The following AP4S1 variants were observed in gnomAD, a reference collection of about 807,000 sequenced individuals.
AP4S1 encodes the protein adaptor related protein complex 4 subunit sigma 1, also known as AP-4 complex subunit sigma-1.
A neutral mutation model predicts 19.8 loss-of-function variants in AP4S1; 23 were observed. The ratio of observed to expected loss-of-function variants is 1.16; its 90% CI spans 0.84 to 1.65. The LOEUF (loss-of-function observed/expected upper bound fraction) is 1.65, where lower values mean the gene tolerates loss of function less well. Ranked by LOEUF, AP4S1 falls within the 40% of genes most tolerant of loss-of-function variation. The probability of loss-of-function intolerance (pLI) is 0.00; values close to 1 mark genes in which losing one functional copy is unlikely to be tolerated. For missense variants in AP4S1, 166 were observed against 172.8 expected, an observed-to-expected ratio of 0.96 and a Z score of 0.22; for synonymous variants, 46 against 54.1, an observed-to-expected ratio of 0.85 and a Z score of 0.66.
intron 3 of AP4S1, among the ~76,000 whole-genome samples, chr14:31,071,278 C>T (rs1886984434): frequency 6.6e-6 from 1 of 152,094 alleles, no homozygotes; most frequent in Non-Finnish European, 1.5e-5. Flanking sequence ...TTCCCATCTT[C>T]ACAGATAGAA....
intron 1 of AP4S1, among the ~76,000 whole-genome samples, chr14:31,061,717 A>G (rs1251539487): frequency 6.6e-6 from 1 of 151,430 alleles, no homozygotes; most frequent in East Asian, 1.9e-4. Context: ...ATGTCAGCTC[A>G]CTGCAATCTC....
chr14:31,069,324 A>G (rs1594685661), intron 2 of AP4S1, among the ~76,000 whole-genome samples: 1 of 152,334 alleles, frequency 6.6e-6, no homozygotes, highest in South Asian at 2.1e-4. Context: ...ATCTTTAAAT[A>G]ATTTATAAAA....
intron 1 of AP4S1, among the ~76,000 whole-genome samples, chr14:31,064,097 A>G (rs1181590260): frequency 1.3e-5 from 2 of 152,298 alleles, no homozygotes; most frequent in African/African-American, 2.4e-5. Context: ...AACAAATATG[A>G]GATTCAATAC....
upstream of AP4S1, chr14:31,025,561 A>G (rs1281369549): frequency 2.8e-6 from 1 of 356,298 alleles, no homozygotes; most frequent in East Asian, 7.1e-5. Flanking sequence ...GAGAGGCCCC[A>G]AACCGGACTC....
intron 1 of AP4S1, among the ~76,000 whole-genome samples, chr14:31,054,889 A>AAC (rs1886018113): frequency 6.7e-6 from 1 of 148,284 alleles, no homozygotes; most frequent in Non-Finnish European, 1.5e-5. Flanking sequence ...AAAAAAAAAA[A>AAC]AAAAAAACAG....
chr14:31,064,815 C>T (rs575641474), intron 1 of AP4S1, among the ~76,000 whole-genome samples: 19 of 152,168 alleles, frequency 1.2e-4, no homozygotes, highest in Non-Finnish European at 2.8e-4. Context: ...ATTAGCTGGA[C>T]GTGATGGTGC....
Position 31,025,686 on chromosome 14 carries a change from C to A in AP4S1, c.-173C>A, listed in dbSNP as rs957961694. 1.4e-6 allele frequency: 1 copy of A among 711,992 alleles called. No individual in the cohort carries two copies. Among genetic ancestry groups the A allele is most frequent in the Non-Finnish European group, 2.2e-6 (1 of 450,556 alleles). 44.1% of individuals were successfully genotyped at this position (711,992 alleles called of 1,614,324 possible). A position where few individuals can be genotyped will look rare whatever the true frequency, so the allele number is the denominator to read the frequency against. ...AATGGCTGCCCCGAGGAGGCCCGCACCGCGTAGCCAGTGAAGGTTGGGGAG... is the reference window on the plus strand; with the variant it reads ...AATGGCTGCCCCGAGGAGGCCCGCAACGCGTAGCCAGTGAAGGTTGGGGAG... On this transcript the variant is annotated 5_prime_UTR_variant, in exon 1 of 6. Coordinates refer to ENST00000542754, the MANE Select transcript of AP4S1 (RefSeq NM_001128126.3).
intron 2 of AP4S1, among the ~76,000 whole-genome samples, chr14:31,067,576 G>A (rs1886791551): frequency 6.8e-6 from 1 of 147,902 alleles, no homozygotes; most frequent in South Asian, 2.2e-4. Flanking sequence ...GTGCAGTGAT[G>A]CCATCTTGGC....
rs367794491 is a variant in AP4S1, at chr14:31,090,470, C to T, written c.307-2437C>T. On this transcript the variant is annotated intron_variant, in intron 5 of 5. Coordinates refer to ENST00000542754, the MANE Select transcript of AP4S1 (RefSeq NM_001128126.3). ...AGATTGTTTCTAGCTCATGTCAGCTCAACCTTAGGGAGCCCATGAAAGAAA... is the reference window on the plus strand; with the variant it reads ...AGATTGTTTCTAGCTCATGTCAGCTTAACCTTAGGGAGCCCATGAAAGAAA... Among the ~76,000 whole-genome samples the T allele has an allele frequency of 1.3e-4, 20 of 152,338 alleles. No individual in the cohort carries two copies. In the East Asian group the frequency reaches 3.5e-3, roughly 26 times the overall value.
At chr14:31,029,863 A>G (rs1244495870) in intron 1 of AP4S1, among the ~76,000 whole-genome samples, 1 of 151,960 alleles carries the variant, frequency 6.6e-6, no homozygotes, top group Non-Finnish European at 1.5e-5. Context: ...AAAAAAAAAG[A>G]AAATACTCAG....
chr14:31,030,967 C>T (rs1004849131), intron 1 of AP4S1, among the ~76,000 whole-genome samples: 3 of 152,002 alleles, frequency 2.0e-5, no homozygotes, highest in African/African-American at 7.3e-5. Flanking sequence ...GTGTTCCGAC[C>T]CAAATCTCAT....
chr14:31,073,938 C>G (rs1049155045), intron 4 of AP4S1, among the ~76,000 whole-genome samples: 3 of 152,212 alleles, frequency 2.0e-5, no homozygotes, highest in Middle Eastern at 3.4e-3. Context: ...GTCAATTCTC[C>G]TTAGGGAATA....
intron 1 of AP4S1, among the ~76,000 whole-genome samples, chr14:31,041,142 G>T (rs1885088109): frequency 6.6e-6 from 1 of 151,180 alleles, no homozygotes; most frequent in South Asian, 2.1e-4. Context: ...GAAATATTTT[G>T]TTTGTTTGTT....
intron 1 of AP4S1, chr14:31,027,185 G>A (rs919488786): frequency 1.3e-5 from 2 of 152,080 alleles, no homozygotes; most frequent in African/African-American, 2.4e-5. Flanking sequence ...TTTAGATCTT[G>A]ACGATGATGG....
intron 1 of AP4S1, among the ~76,000 whole-genome samples, chr14:31,031,358 G>T (rs1188301602): frequency 1.3e-5 from 2 of 152,178 alleles, no homozygotes; most frequent in East Asian, 3.8e-4. Flanking sequence ...TTGTAGAAGG[G>T]AAGGACCTCT....
Position 31,091,609 on chromosome 14 carries a change from C to T in AP4S1, c.307-1298C>T, listed in dbSNP as rs192028002. Among the ~76,000 whole-genome samples, 48 of 151,138 alleles carry T rather than the reference C, an allele frequency of 3.2e-4. 1 individual carries two copies. The East Asian group carries it at 8.5e-3, about 27-fold the overall frequency. On this transcript the variant is annotated intron_variant, in intron 5 of 5. Transcript: ENST00000542754. ...TTATTCTGCTGGAGGACTATTTGCA[C>T]AGAGCTTAATGAGATATTCACACAG...
chr14:31,065,069 C>G (rs908287830), intron 1 of AP4S1, among the ~76,000 whole-genome samples: 1 of 152,164 alleles, frequency 6.6e-6, no homozygotes, highest in Non-Finnish European at 1.5e-5. Context: ...ATTGATATCA[C>G]TACTATTATT....
intron 1 of AP4S1, among the ~76,000 whole-genome samples, chr14:31,032,071 CAAAAAAAAAAA>C (rs71905676): frequency 4.5e-5 from 5 of 110,608 alleles, no homozygotes; most frequent in Admixed American, 8.9e-5. Context: ...GACCTTGTCC[CAAAAAAAAAAA>C]AAAAAAAAAG....
rs940835981 is a variant in AP4S1, at chr14:31,025,722, CG to C, written c.-134del. On this transcript the variant is annotated 5_prime_UTR_variant, in exon 1 of 6. The change abolishes the stop of an existing upstream ORF in the 5' untranslated region. Transcript: ENST00000542754. ...GTGAAGGTTGGGGAGCAAGCTTATG[CG>C]GGAAAGAGGGAGGGGGACTCCAGGA... 5.9e-6 allele frequency: 5 copies of C among 852,706 alleles called. No homozygotes were observed. The African/African-American group carries it at 7.0e-5, about 12-fold the overall frequency. The allele number at this position is 852,706 out of a possible 1,614,324, so 52.8% of individuals were successfully genotyped here.
Sources: allele counts gnomAD v4.1 joint callset (sites outside exome capture counted in the v4.1 genomes callset), GRCh38; gene constraint gnomAD v4.1.1; transcripts MANE v1.5; gene names NCBI Gene and HGNC (gene_info 2026-07-23, HGNC 2026-07-21).